CARMIL1: variants seen among roughly 807,000 people sequenced by gnomAD.
CARMIL1 encodes capping protein regulator and myosin 1 linker 1.
Under a neutral mutation model 177.1 loss-of-function variants are expected in CARMIL1, and 90 were observed. The observed-to-expected ratio is 0.51, with a 90% confidence interval of 0.43 to 0.61. The LOEUF (loss-of-function observed/expected upper bound fraction) is 0.61. Among genes scored for constraint, CARMIL1 ranks in the 20% least tolerant of loss-of-function variants. The probability of loss-of-function intolerance (pLI) is 0.00; values close to 1 mark genes in which losing one functional copy is unlikely to be tolerated. For synonymous variants in CARMIL1, 577 were observed against 606.2 expected (o/e 0.95, Z 0.71); for missense variants, 1,380 against 1,667.0 (o/e 0.83, Z 3.00).
At position 25,512,150 on chromosome 6, in the gene CARMIL1, T is replaced by TAAGTTTTC. The variant is rs1229569556; in HGVS notation, c.1632+1388_1632+1389insAAGTTTTC. Among the ~76,000 whole-genome samples, 6 of 152,324 alleles carry TAAGTTTTC rather than the reference T, an allele frequency of 3.9e-5. No homozygotes were observed. In the East Asian group the frequency reaches 1.2e-3, roughly 29 times the overall value. ...AAATTCACCCCAAGATGTTTTTTTCTTAACACATACTTTAGGAAAATTTGT... is the reference window on the plus strand; with the variant it reads ...AAATTCACCCCAAGATGTTTTTTTCTAAGTTTTCTAACACATACTTTAGGAAAATTTGT... On this transcript the variant is annotated intron_variant, in intron 20 of 36. Transcript: ENST00000329474.
intron 29 of CARMIL1, among the ~76,000 whole-genome samples, chr6:25,573,590 C>CAAA (rs5875051): frequency 0.041 from 2,877 of 69,848 alleles, 121 homozygotes; most frequent in Middle Eastern, 0.087. Context: ...TACCTCTAAG[C>CAAA]AAAAAAAAAA....
Position 25,323,677 on chromosome 6 carries a change from A to G in CARMIL1, c.138+38768A>G, listed in dbSNP as rs185260072. On this transcript the variant is annotated intron_variant, in intron 2 of 36. Transcript: ENST00000329474. ...TGAAAATCATAGATGTATGGTTTCT[A>G]TGGTTCCTGGTTACTTTATCCAGTA... Among the ~76,000 whole-genome samples the G allele has an allele frequency of 7.2e-5, 11 of 152,330 alleles. No individual in the cohort carries two copies. In the South Asian group the frequency reaches 1.2e-3, roughly 17 times the overall value.
At chr6:25,456,156 C>T (rs1288863280) in intron 8 of CARMIL1, among the ~76,000 whole-genome samples, 1 of 152,216 alleles carries the variant, frequency 6.6e-6, no homozygotes, top group African/African-American at 2.4e-5. Flanking sequence ...GCTGCTTTAT[C>T]AGTTATCCAG....
intron 1 of CARMIL1, 145 bp downstream of exon 1, chr6:25,279,980 T>C: frequency 1.0e-6 from 1 of 957,454 alleles, no homozygotes; most frequent in Non-Finnish European, 1.7e-6. Flanking sequence ...TCACTGGGGG[T>C]GCCGGGAAGT....
chr6:25,418,438 C>T (rs1795552809), intron 2 of CARMIL1, among the ~76,000 whole-genome samples: 1 of 152,058 alleles, frequency 6.6e-6, no homozygotes, highest in Non-Finnish European at 1.5e-5. Context: ...TACTACCGAG[C>T]TGCACTTGAC....
Position 25,509,834 on chromosome 6 carries a change from A to G in CARMIL1, c.1477+97A>G. ...TCTACCCAAATCCAAACAATAGCTT[A>G]ATAAAAAAATTGTTTTTTATTTTTT... On this transcript the variant is annotated intron_variant, in intron 18 of 36. Coordinates refer to ENST00000329474, the MANE Select transcript of CARMIL1 (RefSeq NM_017640.6). This position sits in a 1 kb window ranked among gnomAD's most constrained non-coding sequence, Gnocchi z 4.1. The G allele has an allele frequency of 7.4e-6, 6 of 809,104 alleles. No homozygotes were observed. The highest frequency in any genetic ancestry group is 5.2e-4 in the Middle Eastern group (2 of 3,870). 50.1% of individuals were successfully genotyped at this position (809,104 alleles called of 1,614,324 possible). A position where few individuals can be genotyped will look rare whatever the true frequency, so the allele number is the denominator to read the frequency against.
At chr6:25,570,898 C>G (rs1413239914) in intron 29 of CARMIL1, among the ~76,000 whole-genome samples, 1 of 152,146 alleles carries the variant, frequency 6.6e-6, no homozygotes, top group African/African-American at 2.4e-5. Flanking sequence ...ACCTTTTCTT[C>G]CTAGGCTTGC....
At position 25,472,124 on chromosome 6, in the gene CARMIL1, T is replaced by C. The variant is rs149737834; in HGVS notation, c.780-303T>C. Reference sequence around the variant, plus strand: ...GAAAAGCAGGTTCAATCCAGGATTTTTTTTTTTTTTAAATTATGGAGGGGC... The same window carrying C: ...GAAAAGCAGGTTCAATCCAGGATTTCTTTTTTTTTTAAATTATGGAGGGGC... On this transcript the variant is annotated intron_variant, in intron 10 of 36. Coordinates refer to ENST00000329474, the MANE Select transcript of CARMIL1 (RefSeq NM_017640.6). Among the ~76,000 whole-genome samples the C allele has an allele frequency of 5.9e-3, 896 of 152,234 alleles. 7 individuals are homozygous for C. The highest frequency in any genetic ancestry group is 0.017 in the African/African-American group (709 of 41,552).
chr6:25,327,507 A>G (rs950577828), intron 2 of CARMIL1, among the ~76,000 whole-genome samples: 4 of 152,202 alleles, frequency 2.6e-5, no homozygotes, highest in African/African-American at 7.2e-5. Context: ...CCAATTTTCT[A>G]TTTGCTAGTT....
chr6:25,619,064 G>A (rs1354391762), intron 36 of CARMIL1, among the ~76,000 whole-genome samples: 1 of 152,180 alleles, frequency 6.6e-6, no homozygotes, highest in Non-Finnish European at 1.5e-5. Context: ...TCTCTGTGCT[G>A]TGTGAGGGGG....
At chr6:25,490,206 C>T (rs1803065601) in intron 13 of CARMIL1, among the ~76,000 whole-genome samples, 1 of 152,110 alleles carries the variant, frequency 6.6e-6, no homozygotes, top group African/African-American at 2.4e-5. Context: ...GGCCTGGCCT[C>T]TTTGGAGAAG....
intron 2 of CARMIL1, among the ~76,000 whole-genome samples, chr6:25,382,777 G>A (rs967321279): frequency 7.9e-5 from 12 of 152,102 alleles, no homozygotes; most frequent in African/African-American, 2.2e-4. Flanking sequence ...GACACAGGGC[G>A]CTGATTGGTG....
Position 25,606,200 on chromosome 6 carries a change from C to T in CARMIL1, c.3774C>T (p.Leu1258=). ...GCACACCTACGAGCCCGAAGCCCCT[C>T]CTGCAGTCCCCCAAACCCAGTCTGG... ...SSSTPTSPKP[L]LQSPKPSLAA... Residue 1258 remains leucine, a synonymous_variant, in exon 35 of 37, where the codon CTC becomes CTT. Transcript: ENST00000329474. 1 of 1,614,004 alleles carries T rather than the reference C, an allele frequency of 6.2e-7. No homozygotes were observed. Among genetic ancestry groups the T allele is most frequent in the African/African-American group, 1.3e-5 (1 of 75,056 alleles).
intron 29 of CARMIL1, among the ~76,000 whole-genome samples, chr6:25,574,067 C>T (rs1023641638): frequency 6.6e-6 from 1 of 152,140 alleles, no homozygotes; most frequent in Non-Finnish European, 1.5e-5. Flanking sequence ...TGTAGTTGAT[C>T]ACTTTCCATC....
At position 25,558,244 on chromosome 6, in the gene CARMIL1, G is replaced by A. The variant is rs888974454; in HGVS notation, c.2742+1394G>A. ...ATTTGAAATCAACTCCACATACCAC[G>A]TTTCCTACCAGATTTATTTGGTCAT... On this transcript the variant is annotated intron_variant, in intron 29 of 36. Transcript: ENST00000329474. This position sits in a 1 kb window ranked among gnomAD's most constrained non-coding sequence, Gnocchi z 4.1. 2.0e-5 allele frequency among the ~76,000 whole-genome samples: 3 copies of A among 152,122 alleles called. No homozygotes were observed. Among genetic ancestry groups the A allele is most frequent in the Non-Finnish European group, 4.4e-5 (3 of 68,036 alleles).
Position 25,554,543 on chromosome 6 carries a change from C to G in CARMIL1, c.2592+447C>G, listed in dbSNP as rs1004101769. 1.3e-5 allele frequency among the ~76,000 whole-genome samples: 2 copies of G among 152,228 alleles called. No homozygotes were observed. Among genetic ancestry groups the G allele is most frequent in the East Asian group, 3.9e-4 (2 of 5,186 alleles). ...GGCATAATTTAGTAATGGATAGCTG[C>G]TGACTGCCCCACAGGTGCCTTGGAT... On this transcript the variant is annotated intron_variant, in intron 28 of 36. Transcript: ENST00000329474. This position sits in a 1 kb window ranked among gnomAD's most constrained non-coding sequence, Gnocchi z 4.6.
At chr6:25,592,090 G>T (rs916754728) in intron 31 of CARMIL1, among the ~76,000 whole-genome samples, 2 of 152,030 alleles carry the variant, frequency 1.3e-5, no homozygotes, top group African/African-American at 4.8e-5. Flanking sequence ...GAATCATTGG[G>T]GGAAGCTGGG....
intron 2 of CARMIL1, among the ~76,000 whole-genome samples, chr6:25,376,396 T>C (rs1790987865): frequency 2.0e-5 from 3 of 152,242 alleles, no homozygotes; most frequent in Admixed American, 1.3e-4. Context: ...ATTATTTTTC[T>C]AGTTCCCTCT....
chr6:25,358,053 C>G (rs1304796132), intron 2 of CARMIL1, among the ~76,000 whole-genome samples: 2 of 152,130 alleles, frequency 1.3e-5, no homozygotes, highest in African/African-American at 4.8e-5. Flanking sequence ...ACAGAAGTAC[C>G]TCACACGCAT....
Sources: gnomAD v4.1 joint callset for allele counts (sites outside exome capture counted in the v4.1 genomes callset) on GRCh38, gnomAD v4.1.1 for gene constraint, Gnocchi (gnomAD v3.1) non-coding constraint, MANE v1.5 for transcripts, NCBI Gene and HGNC (gene_info 2026-07-23, HGNC 2026-07-21) for gene names.